SPOUT1: variants seen among roughly 807,000 people sequenced by gnomAD.
SPOUT1 encodes the protein 28S rRNA (uridine-N(3))-methyltransferase.
In SPOUT1, 40 loss-of-function variants were observed where a neutral mutation model predicts 54.8. The observed-to-expected ratio is 0.73, with a 90% CI of 0.57 to 0.95. The LOEUF (loss-of-function observed/expected upper bound fraction) is 0.95. Ranked by LOEUF, SPOUT1 falls within the 40% of genes least tolerant of loss-of-function variation. The probability of loss-of-function intolerance (pLI) is 0.00; values close to 1 mark genes in which losing one functional copy is unlikely to be tolerated. For synonymous variants in SPOUT1, 193 were observed against 200.3 expected, an observed-to-expected ratio of 0.96 and a Z score of 0.31; for missense variants, 437 against 499.5, an observed-to-expected ratio of 0.87 and a Z score of 1.19.
rs1029112272 is a variant in SPOUT1 at position 128,821,778 on chromosome 9, G to A, written c.*987C>T. 1.2e-5 allele frequency: 2 copies of A among 165,622 alleles called. No individual in the cohort carries two copies. The highest frequency in any genetic ancestry group is 2.6e-5 in the Non-Finnish European group (2 of 75,534). 10.3% of individuals were successfully genotyped at this position (165,622 alleles called of 1,614,324 possible). Reference sequence around the variant, plus strand: ...CCCTCTGCAAAACCTGTGACCTCTTGGTTGATGTCACATGCTTCCCCAGGG... The same window carrying A: ...CCCTCTGCAAAACCTGTGACCTCTTAGTTGATGTCACATGCTTCCCCAGGG... On this transcript the variant is annotated 3_prime_UTR_variant, in exon 12 of 12. Transcript: ENST00000361256.
rs1186083106 is a variant in SPOUT1 at position 128,822,842 on chromosome 9, G to A, written c.1063-9C>T. On this transcript the variant is annotated splice_polypyrimidine_tract_variant and intron_variant, in intron 11 of 11. Transcript: ENST00000361256. ...GAGATGAGGATGGCTTCCTGGAAGA[G>A]AAGCGTGGCAGTGGGCTGGGGCCTG... The A allele has an allele frequency of 6.3e-7, 1 of 1,575,824 alleles. No homozygotes were observed. The highest frequency in any genetic ancestry group is 2.3e-5 in the East Asian group (1 of 43,116).
At position 128,828,389 on chromosome 9, in the gene SPOUT1, G is replaced by A. The variant is rs1441598537; in HGVS notation, c.208+346C>T. Among the ~76,000 whole-genome samples the A allele has an allele frequency of 7.2e-5, 11 of 152,024 alleles. No homozygotes were observed. The East Asian group carries it at 1.2e-3, about 16-fold the overall frequency. On this transcript the variant is annotated intron_variant, in intron 3 of 11. Transcript: ENST00000361256. ...CACACTTCTGTAATCCCAACTACTC[G>A]GGGGGCCGAGGGAGGAAAATTGCTT...
rs1282524326 is a variant in SPOUT1, at chr9:128,822,470, G to A, written c.*295C>T. The A allele has an allele frequency of 3.2e-6, 5 of 1,572,932 alleles. No individual in the cohort carries two copies. Among genetic ancestry groups the A allele is most frequent in the East Asian group, 2.4e-5 (1 of 42,454 alleles). ...GCTCCGCACCTACGTGATGCCCAACGCACCTGTGGATGAGGCCATCCCACT... is the reference window on the plus strand; with the variant it reads ...GCTCCGCACCTACGTGATGCCCAACACACCTGTGGATGAGGCCATCCCACT... On this transcript the variant is annotated 3_prime_UTR_variant, in exon 12 of 12. Transcript: ENST00000361256.
chr9:128,827,448 TC>T (rs1309303273), intron 3 of SPOUT1, among the ~76,000 whole-genome samples: 1 of 152,258 alleles, frequency 6.6e-6, no homozygotes, highest in Non-Finnish European at 1.5e-5. Flanking sequence ...ATCCTGGCTC[TC>T]CCACTTACTG....
Position 128,821,154 on chromosome 9 carries a change from A to AC in SPOUT1, c.*1610dup, listed in dbSNP as rs976497983. 1.3e-5 allele frequency: 5 copies of AC among 399,614 alleles called. No homozygotes were observed. Among genetic ancestry groups the AC allele is most frequent in the African/African-American group, 8.2e-5 (4 of 48,632 alleles). The allele number at this position is 399,614 out of a possible 1,614,324, so 24.8% of individuals were successfully genotyped here. A position where few individuals can be genotyped will look rare whatever the true frequency, so the allele number is the denominator to read the frequency against. On this transcript the variant is annotated 3_prime_UTR_variant, in exon 12 of 12. Coordinates refer to ENST00000361256, the MANE Select transcript of SPOUT1 (RefSeq NM_016390.4). ...CCCAATCTTGTTCTGCCAATATGGAACCCCCCGCAGGTCTGCAGTGCACCA... is the reference window on the plus strand; with the variant it reads ...CCCAATCTTGTTCTGCCAATATGGAACCCCCCCGCAGGTCTGCAGTGCACCA...
intron 9 of SPOUT1, 145 bp downstream of exon 9, chr9:128,824,626 G>T: frequency 1.5e-6 from 1 of 648,574 alleles, no homozygotes; most frequent in Non-Finnish European, 2.8e-6. Flanking sequence ...GGAGAACAAG[G>T]CCCAGAGAAG....
rs938541801 is a variant in SPOUT1, at chr9:128,829,671, C to G, written c.36+74G>C. ...AGCAGGAGGCGCGGCCCGGCCCCGG[C>G]GAAGGCCCCCACGCCACTGGTTCTC... On this transcript the variant is annotated intron_variant, in intron 1 of 11. Coordinates refer to ENST00000361256, the MANE Select transcript of SPOUT1 (RefSeq NM_016390.4). The G allele has an allele frequency of 1.1e-5, 13 of 1,205,722 alleles. No homozygotes were observed. The African/African-American group carries it at 1.7e-4, about 16-fold the overall frequency. The allele number at this position is 1,205,722 out of a possible 1,614,324, so 74.7% of individuals were successfully genotyped here. A position where few individuals can be genotyped will look rare whatever the true frequency, so the allele number is the denominator to read the frequency against.
Position 128,826,645 on chromosome 9 carries a change from TG to T in SPOUT1, c.369-17del, listed in dbSNP as rs754512193. On this transcript the variant is annotated splice_polypyrimidine_tract_variant and intron_variant, in intron 4 of 11. Coordinates refer to ENST00000361256, the MANE Select transcript of SPOUT1 (RefSeq NM_016390.4). The surrounding 1 kb of genome is among the most constrained non-coding windows in gnomAD (Gnocchi z 5.5). ...CTCCACAGTCCTGGAGAGAGAGAGATGGGGGCTCAGGATCCAGCTGTGGCCC... is the reference window on the plus strand; with the variant it reads ...CTCCACAGTCCTGGAGAGAGAGAGATGGGGCTCAGGATCCAGCTGTGGCCC... The T allele has an allele frequency of 9.2e-6, 14 of 1,521,246 alleles. No homozygotes were observed. Among genetic ancestry groups the T allele is most frequent in the Non-Finnish European group, 1.2e-5 (14 of 1,125,184 alleles). The allele number at this position is 1,521,246 out of a possible 1,614,324, so 94.2% of individuals were successfully genotyped here.
intron 3 of SPOUT1, among the ~76,000 whole-genome samples, chr9:128,828,255 G>T (rs1830278356): frequency 6.6e-6 from 1 of 152,196 alleles, no homozygotes; most frequent in South Asian, 2.1e-4. Context: ...CAGCACTTTG[G>T]GAGGCTGAAG....
chr9:128,823,715 T>A lies in SPOUT1; in HGVS notation c.1062+32A>T, dbSNP rs2997918. 6,232 of 1,575,408 alleles carry A rather than the reference T, an allele frequency of 4.0e-3. 221 individuals carry two copies. The African/African-American group carries it at 0.074, about 19-fold the overall frequency. ...CCTCGGACAGATCCCAAGGCCCCAG[T>A]GGCTGGCAGTCGGGGAGGCAGGCGG... On this transcript the variant is annotated intron_variant, in intron 11 of 11. Coordinates refer to ENST00000361256, the MANE Select transcript of SPOUT1 (RefSeq NM_016390.4).
In SPOUT1 at chr9:128,827,051, C is replaced by T. The variant is rs144920933; in HGVS notation, c.349G>A (p.Glu117Lys). 1.4e-5 allele frequency: 22 copies of T among 1,613,942 alleles called. No homozygotes were observed. Among genetic ancestry groups the T allele is most frequent in the Non-Finnish European group, 1.9e-5 (22 of 1,179,990 alleles). The change falls in exon 4 of 12, where the codon GAG (glutamate) becomes AAG (lysine). Residue 117 changes from glutamate (E) to lysine (K), a missense_variant. Transcript: ENST00000361256. ...FCVDEIVVFD[E>K]EGQDAKTVEG... The stretch of plus-strand genomic sequence containing the variant: ...CCTTACTTGGCATCCTGGCCCTCCT[C>T]ATCAAACACCACGATCTCATCCACA...
chr9:128,825,413 CCT>C (rs926200311), intron 7 of SPOUT1, among the ~76,000 whole-genome samples: 2 of 152,106 alleles, frequency 1.3e-5, no homozygotes, highest in Admixed American at 6.6e-5. Context: ...CTCACTGCAA[CCT>C]CTGTCTCCTG....
chr9:128,824,903 G>A, intron 8 of SPOUT1, 34 bp from the exon 9 acceptor site: 1 of 1,599,712 alleles, frequency 6.3e-7, no homozygotes, highest in Non-Finnish European at 8.6e-7. Flanking sequence ...AAGATGGGGT[G>A]AGGGAATGGA....
rs1564434892 is a variant in SPOUT1, at chr9:128,823,909, A to AG, written c.915-16dup. On this transcript the variant is annotated splice_polypyrimidine_tract_variant and intron_variant, in intron 10 of 11. Coordinates refer to ENST00000361256, the MANE Select transcript of SPOUT1 (RefSeq NM_016390.4). ...CAAGAGCATGCCTGGCCCATGTAAG[A>AG]GGGGGTCACCTGAGCGGCCACCGAG... 2 of 1,611,644 alleles carry AG rather than the reference A, an allele frequency of 1.2e-6. No individual in the cohort carries two copies. Among genetic ancestry groups the AG allele is most frequent in the South Asian group, 2.2e-5 (2 of 90,858 alleles).
Position 128,821,840 on chromosome 9 carries a change from AGGCGGTGGTTG to A in SPOUT1, c.*914_*924del, listed in dbSNP as rs1830125136. On this transcript the variant is annotated 3_prime_UTR_variant, in exon 12 of 12. Coordinates refer to ENST00000361256, the MANE Select transcript of SPOUT1 (RefSeq NM_016390.4). ...GTAAGGGCTCGGCATAGGCTGGCCA[AGGCGGTGGTTG>A]GGGCACTGATCAAATTTCATTAGCA... 1 of 176,854 alleles carries A rather than the reference AGGCGGTGGTTG, an allele frequency of 5.7e-6. No homozygotes were observed. Among genetic ancestry groups the A allele is most frequent in the Admixed American group, 5.4e-5 (1 of 18,444 alleles). The allele number at this position is 176,854 out of a possible 1,614,324, so 11.0% of individuals were successfully genotyped here.
chr9:128,829,293 A>G, intron 1 of SPOUT1, 138 bp from the exon 2 acceptor site: 1 of 780,672 alleles, frequency 1.3e-6, no homozygotes, highest in Non-Finnish European at 2.3e-6. Context: ...CTGCTGCCCC[A>G]GAAAGCGGCA....
In SPOUT1 at chr9:128,828,875, A is replaced by G; in HGVS notation, c.83-15T>C. ...CTCCTCTTTCTCTGGATAAAAGAAC[A>G]TCCTAATTGGCCAAGGAGACAGTTC... is the stretch of plus-strand genomic sequence containing the variant. On this transcript the variant is annotated splice_polypyrimidine_tract_variant and intron_variant, in intron 2 of 11. Transcript: ENST00000361256. The G allele has an allele frequency of 6.2e-7, 1 of 1,613,854 alleles. No individual in the cohort carries two copies.
intron 9 of SPOUT1, 148 bp from the exon 10 acceptor site, chr9:128,824,322 G>A (rs1198972923): frequency 8.0e-6 from 5 of 625,810 alleles, no homozygotes; most frequent in African/African-American, 1.8e-5. Context: ...TAAGGTAGGG[G>A]TGGGTGGGTA....
intron 3 of SPOUT1, among the ~76,000 whole-genome samples, chr9:128,828,243 C>T (rs1170217066): frequency 1.3e-5 from 2 of 152,176 alleles, no homozygotes; most frequent in Non-Finnish European, 2.9e-5. Flanking sequence ...TGCCTGTAAT[C>T]CCAGCACTTT....
Sources: gnomAD v4.1 joint callset for allele counts (sites outside exome capture counted in the v4.1 genomes callset) on GRCh38, gnomAD v4.1.1 for gene constraint, Gnocchi (gnomAD v3.1) non-coding constraint, MANE v1.5 for transcripts, NCBI Gene and HGNC (gene_info 2026-07-23, HGNC 2026-07-21) for gene names.